The following NRG1 variants were observed in gnomAD, a reference collection of about 807,000 sequenced individuals.
NRG1 encodes pro-neuregulin-1, membrane-bound isoform.
In NRG1, 18 loss-of-function variants were observed where a neutral mutation model predicts 63.8. The ratio of observed to expected loss-of-function variants is 0.28; its 90% CI spans 0.19 to 0.42. The LOEUF (loss-of-function observed/expected upper bound fraction) is 0.42. Ranked by LOEUF, NRG1 falls within the 10% of genes least tolerant of loss-of-function variation. The pLI is 1.00. For missense variants in NRG1, 762 were observed against 814.7 expected, an observed-to-expected ratio of 0.94 and a Z score of 0.79; for synonymous variants, 302 against 301.3, an observed-to-expected ratio of 1.00 and a Z score of -0.02.
At chr8:32,310,651 G>C (rs767280317) in intron 1 of NRG1, among the ~76,000 whole-genome samples, 1 of 152,162 alleles carries the variant, frequency 6.6e-6, no homozygotes, top group Non-Finnish European at 1.5e-5. Flanking sequence ...GAATTAGAAG[G>C]AACAAAGAAA....
At chr8:31,810,946 C>A (rs1025604637) in intron 1 of NRG1, among the ~76,000 whole-genome samples, 3 of 152,152 alleles carry the variant, frequency 2.0e-5, no homozygotes, top group Non-Finnish European at 2.9e-5. Context: ...TCAGATAATT[C>A]TTTTCTTTAT....
chr8:32,362,927 C>T lies in NRG1; in HGVS notation c.38-232901C>T, dbSNP rs536348423. On this transcript the variant is annotated intron_variant, in intron 1 of 10. Coordinates refer to the NRG1 transcript ENST00000519301. ...CGTTTTCCAGACAAGGAAGGAATTA[C>T]GGGTCTCTGATCACAGCAGAGGGGC... Among the ~76,000 whole-genome samples the T allele has an allele frequency of 2.0e-4, 30 of 152,186 alleles. 1 individual carries two copies. In the South Asian group the frequency reaches 4.6e-3, roughly 23 times the overall value.
chr8:31,972,553 C>T (rs1253703083), intron 1 of NRG1, among the ~76,000 whole-genome samples: 2 of 152,138 alleles, frequency 1.3e-5, no homozygotes, highest in Non-Finnish European at 2.9e-5. Flanking sequence ...TATTCCCTTC[C>T]TATTTGCAAG....
chr8:32,702,507 G>A (rs1257682704), intron 5 of NRG1, among the ~76,000 whole-genome samples: 2 of 152,078 alleles, frequency 1.3e-5, no homozygotes, highest in Non-Finnish European at 2.9e-5. Context: ...TCTTTTTTGA[G>A]GAGGAGTCTC....
chr8:31,911,708 T>C (rs571092264), intron 1 of NRG1, among the ~76,000 whole-genome samples: 8 of 152,160 alleles, frequency 5.3e-5, no homozygotes, highest in Non-Finnish European at 7.3e-5. Context: ...AACCTGCACA[T>C]GTACCTCTGA....
At chr8:32,107,672 T>C (rs6993043) in intron 1 of NRG1, among the ~76,000 whole-genome samples, 76,627 of 152,062 alleles carry the variant, frequency 0.5, 21,956 homozygotes, top group Admixed American at 0.63. Context: ...CAAAGTAACA[T>C]ACTGAAATTC....
intron 5 of NRG1, among the ~76,000 whole-genome samples, chr8:32,718,040 T>C (rs1290755052): frequency 2.6e-5 from 4 of 152,196 alleles, no homozygotes; most frequent in African/African-American, 7.2e-5. Context: ...TCAAGCCAAC[T>C]ATGGTATTGT....
chr8:32,320,738 T>C (rs1161895894), intron 1 of NRG1, among the ~76,000 whole-genome samples: 1 of 152,116 alleles, frequency 6.6e-6, no homozygotes, highest in East Asian at 1.9e-4. Flanking sequence ...ATCCAAACCA[T>C]ACAGTCCCTG....
intron 5 of NRG1, among the ~76,000 whole-genome samples, chr8:32,635,647 T>C (rs1851204477): frequency 6.6e-6 from 1 of 152,226 alleles, no homozygotes; most frequent in Admixed American, 6.5e-5. Context: ...CAGTTAATTC[T>C]GTGCATGAGA....
At position 32,508,373 on chromosome 8, in the gene NRG1, C is replaced by T. The variant is rs1828792214; in HGVS notation, c.38-87455C>T. Among the ~76,000 whole-genome samples the T allele has an allele frequency of 2.0e-5, 3 of 152,020 alleles. No homozygotes were observed. The South Asian group carries it at 6.2e-4, about 32-fold the overall frequency. Reference sequence around the variant, plus strand: ...TGGTGCGATCGCTGCTCACTGCAACCTCCACCTCCCAGGTTCAAGCAATTC... The same window carrying T: ...TGGTGCGATCGCTGCTCACTGCAACTTCCACCTCCCAGGTTCAAGCAATTC... On this transcript the variant is annotated intron_variant, in intron 1 of 10. Coordinates refer to the NRG1 transcript ENST00000519301.
intron 1 of NRG1, among the ~76,000 whole-genome samples, chr8:32,183,303 T>C (rs1056157929): frequency 4.6e-5 from 7 of 152,200 alleles, no homozygotes; most frequent in Non-Finnish European, 8.8e-5. Flanking sequence ...GGCGGGACTT[T>C]TCTATGCTCC....
At chr8:31,790,263 G>A (rs1332213823) in intron 1 of NRG1, among the ~76,000 whole-genome samples, 1 of 152,146 alleles carries the variant, frequency 6.6e-6, no homozygotes, top group Non-Finnish European at 1.5e-5. Context: ...AACTATTGAA[G>A]TAACAAGAAA....
intron 4 of NRG1, among the ~76,000 whole-genome samples, chr8:32,615,972 C>T (rs1371866905): frequency 3.3e-5 from 5 of 151,904 alleles, no homozygotes; most frequent in Non-Finnish European, 7.4e-5. Flanking sequence ...CAGTAAATGC[C>T]ATTAGGAAAA....
chr8:32,388,101 C>A (rs933424224), intron 1 of NRG1, among the ~76,000 whole-genome samples: 5 of 152,162 alleles, frequency 3.3e-5, no homozygotes, highest in African/African-American at 1.2e-4. Context: ...TTCTCATTAG[C>A]CTTATTCAGC....
At chr8:32,643,930 A>G (rs1402941975) in intron 5 of NRG1, among the ~76,000 whole-genome samples, 6 of 152,222 alleles carry the variant, frequency 3.9e-5, no homozygotes, top group Non-Finnish European at 8.8e-5. Flanking sequence ...TATGTAATCA[A>G]TAATATAATC....
chr8:32,463,908 TTTTTTGGGGGA>T (rs1822695592), intron 1 of NRG1, among the ~76,000 whole-genome samples: 2 of 101,406 alleles, frequency 2.0e-5, no homozygotes, highest in African/African-American at 8.9e-5. Context: ...TTTTTTTTTT[TTTTTTGGGGGA>T]GGGTCTCATT....
At chr8:32,555,064 TA>T (rs1416198602) in intron 1 of NRG1, among the ~76,000 whole-genome samples, 2 of 152,224 alleles carry the variant, frequency 1.3e-5, no homozygotes, top group Non-Finnish European at 2.9e-5. Flanking sequence ...TTAAGTATTC[TA>T]AATTAGAATA....
chr8:31,835,842 C>T (rs529173023), intron 1 of NRG1, among the ~76,000 whole-genome samples: 36 of 152,220 alleles, frequency 2.4e-4, no homozygotes, highest in Non-Finnish European at 4.9e-4. Flanking sequence ...TTCAGTAGAA[C>T]TTTTTGGGAT....
At position 31,654,687 on chromosome 8, in the gene NRG1, C is replaced by T. The variant is rs1805248225; in HGVS notation, c.37+15256C>T. On this transcript the variant is annotated intron_variant, in intron 1 of 10. Transcript: ENST00000519301. ...GATGTGTGGCTTATGCCTGTAATCA[C>T]AGTGCTTTGGGAGGTTGAAGCAGGA... is the stretch of plus-strand genomic sequence containing the variant. 2.0e-5 allele frequency among the ~76,000 whole-genome samples: 3 copies of T among 152,204 alleles called. No homozygotes were observed. The South Asian group carries it at 6.2e-4, about 31-fold the overall frequency.
Sources: allele counts gnomAD v4.1 joint callset (sites outside exome capture counted in the v4.1 genomes callset), GRCh38; gene constraint gnomAD v4.1.1; transcripts MANE v1.5; gene names NCBI Gene and HGNC (gene_info 2026-07-23, HGNC 2026-07-21).